The following MDGA2 variants were observed in gnomAD, a reference collection of about 807,000 sequenced individuals.
The protein encoded by MDGA2 is MAM domain containing glycosylphosphatidylinositol anchor 2, also known as MAM domain-containing glycosylphosphatidylinositol anchor protein 2.
Under a neutral mutation model 117.8 loss-of-function variants are expected in MDGA2, and 40 were observed. The ratio of observed to expected loss-of-function variants is 0.34; its 90% CI spans 0.26 to 0.44. The LOEUF (loss-of-function observed/expected upper bound fraction) is 0.44. MDGA2 is among the 20% of genes least tolerant of loss of function. The probability of loss-of-function intolerance (pLI) is 1.00; values close to 1 mark genes in which losing one functional copy is unlikely to be tolerated. For synonymous variants in MDGA2, 452 were observed against 439.0 expected, an observed-to-expected ratio of 1.03 and a Z score of -0.37; for missense variants, 1,123 against 1,250.6, an observed-to-expected ratio of 0.90 and a Z score of 1.54.
intron 1 of MDGA2, among the ~76,000 whole-genome samples, chr14:47,343,514 C>T (rs577827615): frequency 2.0e-5 from 3 of 152,184 alleles, no homozygotes; most frequent in South Asian, 4.1e-4. Context: ...ATGGTTTTCA[C>T]GATGGCTTCT....
chr14:47,416,912 T>C (rs925399404), intron 1 of MDGA2, among the ~76,000 whole-genome samples: 1 of 152,146 alleles, frequency 6.6e-6, no homozygotes, highest in Non-Finnish European at 1.5e-5. Context: ...GGAAAGGGCA[T>C]AATCTCTGAA....
At chr14:47,371,816 A>G (rs998867011) in intron 1 of MDGA2, among the ~76,000 whole-genome samples, 7 of 151,818 alleles carry the variant, frequency 4.6e-5, no homozygotes, top group African/African-American at 1.7e-4. Flanking sequence ...ATAACATCAT[A>G]CAAATCAGTA....
At chr14:47,247,987 T>TA (rs1887306257) in intron 2 of MDGA2, among the ~76,000 whole-genome samples, 1 of 151,576 alleles carries the variant, frequency 6.6e-6, no homozygotes, top group South Asian at 2.1e-4. Flanking sequence ...TCCTTTTTTT[T>TA]ATGGATGCAT....
chr14:47,574,308 T>A (rs1896076107), intron 1 of MDGA2, among the ~76,000 whole-genome samples: 1 of 152,106 alleles, frequency 6.6e-6, no homozygotes, highest in Non-Finnish European at 1.5e-5. Context: ...CTTGCCAAGG[T>A]CCCCATGCCA....
chr14:47,421,556 A>C (rs1305146281), intron 1 of MDGA2, among the ~76,000 whole-genome samples: 2 of 152,270 alleles, frequency 1.3e-5, no homozygotes, highest in East Asian at 3.9e-4. Context: ...ATTTAAGGAC[A>C]AAAAAGTACA....
rs1887064068 is a variant in MDGA2, at chr14:47,242,177, G to A, written c.421-23982C>T. Among the ~76,000 whole-genome samples the A allele has an allele frequency of 1.3e-5, 2 of 151,852 alleles. 1 individual carries two copies. The highest frequency in any genetic ancestry group is 4.2e-4 in the South Asian group (2 of 4,804). On this transcript the variant is annotated intron_variant, in intron 2 of 16. Coordinates refer to ENST00000399232, the MANE Select transcript of MDGA2 (RefSeq NM_001113498.3). ...ACACCTTCCCCACACACACACGCTT[G>A]CAGTTCTGCTTTTCAATAATTACGT... is the stretch of plus-strand genomic sequence containing the variant.
intron 1 of MDGA2, among the ~76,000 whole-genome samples, chr14:47,390,776 T>C (rs573748970): frequency 6.6e-6 from 1 of 152,250 alleles, no homozygotes; most frequent in African/African-American, 2.4e-5. Context: ...GTTTGGGAGA[T>C]TTTGTTTCTA....
At chr14:47,530,402 G>C (rs902685939) in intron 1 of MDGA2, among the ~76,000 whole-genome samples, 6 of 152,102 alleles carry the variant, frequency 3.9e-5, no homozygotes, top group Non-Finnish European at 7.4e-5. Context: ...CATAGGTTAT[G>C]GAAAGTCTGT....
intron 10 of MDGA2, among the ~76,000 whole-genome samples, chr14:46,912,466 C>A (rs1209722107): frequency 6.6e-6 from 1 of 152,124 alleles, no homozygotes; most frequent in African/African-American, 2.4e-5. Context: ...CACCCAAATT[C>A]TAGTAGCATG....
chr14:47,497,762 G>A (rs1392424051), intron 1 of MDGA2, among the ~76,000 whole-genome samples: 1 of 152,096 alleles, frequency 6.6e-6, no homozygotes, highest in Non-Finnish European at 1.5e-5. Flanking sequence ...ACATATTAGT[G>A]TGTAATTATT....
At chr14:47,115,997 C>A (rs1881309083) in intron 5 of MDGA2, among the ~76,000 whole-genome samples, 1 of 151,976 alleles carries the variant, frequency 6.6e-6, no homozygotes, top group Non-Finnish European at 1.5e-5. Context: ...GAAACTGTCC[C>A]TGTTTGCAGA....
At chr14:47,182,350 T>C (rs1249287955) in intron 3 of MDGA2, among the ~76,000 whole-genome samples, 2 of 152,132 alleles carry the variant, frequency 1.3e-5, no homozygotes, top group African/African-American at 4.8e-5. Flanking sequence ...CCAATGTGGC[T>C]TTATTTGGAA....
rs1228607906 is a variant in MDGA2, at chr14:47,201,046, G to A, written c.595+16975C>T. The A allele has an allele frequency of 4.8e-5, 54 of 1,128,916 alleles. No homozygotes were observed. In the Admixed American group the frequency reaches 7.8e-4, roughly 16 times the overall value. 69.9% of individuals were successfully genotyped at this position (1,128,916 alleles called of 1,614,324 possible). A position where few individuals can be genotyped will look rare whatever the true frequency, so the allele number is the denominator to read the frequency against. Reference sequence around the variant, plus strand: ...CAGTACCTGTTTAGCCACAATGGCCGCCAGGCGGCCCAGGAGATGGCCTCG... The same window carrying A: ...CAGTACCTGTTTAGCCACAATGGCCACCAGGCGGCCCAGGAGATGGCCTCG... On this transcript the variant is annotated intron_variant, in intron 3 of 16. Coordinates refer to ENST00000399232, the MANE Select transcript of MDGA2 (RefSeq NM_001113498.3).
At chr14:46,891,246 T>C (rs1300784196) in intron 10 of MDGA2, among the ~76,000 whole-genome samples, 1 of 151,890 alleles carries the variant, frequency 6.6e-6, no homozygotes, top group African/African-American at 2.4e-5. Context: ...ATTGTTTCTA[T>C]ATTTTTATAT....
At chr14:47,240,996 T>C (rs1465449895) in intron 2 of MDGA2, among the ~76,000 whole-genome samples, 1 of 151,742 alleles carries the variant, frequency 6.6e-6, no homozygotes, top group African/African-American at 2.4e-5. Flanking sequence ...TTTTAGAAAA[T>C]GGGTTATTTG....
In MDGA2 at chr14:47,301,279, A is replaced by G. The variant is rs1342075327; in HGVS notation, c.420+132T>C. 1.5e-5 allele frequency: 13 copies of G among 889,842 alleles called. No individual in the cohort carries two copies. The East Asian group carries it at 3.4e-4, about 24-fold the overall frequency. The allele number at this position is 889,842 out of a possible 1,614,324, so 55.1% of individuals were successfully genotyped here. A position where few individuals can be genotyped will look rare whatever the true frequency, so the allele number is the denominator to read the frequency against. ...ATACTTGCACTTGAGTTACACACAC[A>G]CACACCCACACCCACCCACACACAC... is the stretch of plus-strand genomic sequence containing the variant. On this transcript the variant is annotated intron_variant, in intron 2 of 16. Coordinates refer to ENST00000399232, the MANE Select transcript of MDGA2 (RefSeq NM_001113498.3).
chr14:47,034,978 C>G (rs950736121), intron 8 of MDGA2, 33 bp downstream of exon 8: 1 of 1,573,088 alleles, frequency 6.4e-7, no homozygotes, highest in Admixed American at 1.7e-5. Context: ...CCCTTGTCCC[C>G]ATATGGAAAT....
intron 1 of MDGA2, among the ~76,000 whole-genome samples, chr14:47,517,154 A>G (rs569966158): frequency 2.6e-5 from 4 of 152,266 alleles, no homozygotes; most frequent in South Asian, 4.2e-4. Context: ...AATGAATCTT[A>G]GATTGAATTT....
chr14:47,285,719 A>T (rs906558721), intron 2 of MDGA2, among the ~76,000 whole-genome samples: 2 of 152,168 alleles, frequency 1.3e-5, no homozygotes, highest in African/African-American at 4.8e-5. Context: ...TCCTACAGGC[A>T]TTGAGGTATA....
Sources: gnomAD v4.1 joint callset for allele counts (sites outside exome capture counted in the v4.1 genomes callset) on GRCh38, gnomAD v4.1.1 for gene constraint, MANE v1.5 for transcripts, NCBI Gene and HGNC (gene_info 2026-07-23, HGNC 2026-07-21) for gene names.